CFAP299: variants seen among roughly 807,000 people sequenced by gnomAD.
CFAP299 encodes the protein cilia and flagella associated protein 299.
In CFAP299, 21 loss-of-function variants were observed where a neutral mutation model predicts 27.0. The ratio of observed to expected loss-of-function variants is 0.78; its 90% confidence interval spans 0.55 to 1.12. The LOEUF (loss-of-function observed/expected upper bound fraction) is 1.12, where lower values mean the gene tolerates loss of function less well. Among genes scored for constraint, CFAP299 ranks in the 50% most tolerant of loss-of-function variants. CFAP299 has a pLI of 0.00. For missense variants in CFAP299, 310 were observed against 276.6 expected (o/e 1.12, Z -0.86); for synonymous variants, 104 against 98.1 (o/e 1.06, Z -0.36).
chr4:80,869,726 A>G (rs538887957), intron 3 of CFAP299, among the ~76,000 whole-genome samples: 1 of 152,230 alleles, frequency 6.6e-6, no homozygotes, highest in South Asian at 2.1e-4. Context: ...GTTGGCCAGG[A>G]TAGTCTCGAT....
intron 3 of CFAP299, among the ~76,000 whole-genome samples, chr4:80,868,547 C>G (rs1260153088): frequency 2.6e-5 from 4 of 152,142 alleles, no homozygotes. Flanking sequence ...TTTCCTGCAT[C>G]CTCACCCCAC....
rs1728250034 is a variant in CFAP299 at position 80,799,820 on chromosome 4, T to TTATATAATATAATATATAA, written c.334-70167_334-70166insATATAATATATAATATATA. On this transcript the variant is annotated intron_variant, in intron 3 of 5. Coordinates refer to ENST00000358105, the MANE Select transcript of CFAP299 (RefSeq NM_152770.3). ...ATTATATAATATATAAATATATATA[T>TTATATAATATAATATATAA]TATATATATTTATATATTATATTAT... is the stretch of plus-strand genomic sequence containing the variant. 7.9e-3 allele frequency among the ~76,000 whole-genome samples: 289 copies of TTATATAATATAATATATAA among 36,510 alleles called. 16 individuals are homozygous for TTATATAATATAATATATAA. Among genetic ancestry groups the TTATATAATATAATATATAA allele is most frequent in the South Asian group, 0.024 (27 of 1,138 alleles). The allele number at this position is 36,510 out of a possible 152,430, so 24.0% of individuals were successfully genotyped here.
At chr4:80,386,122 G>T in intron 2 of CFAP299, 1 of 490,174 alleles carries the variant, frequency 2.0e-6, no homozygotes, top group Non-Finnish European at 3.6e-6. Flanking sequence ...CCCCCAGGGA[G>T]CCTGGACCCA....
chr4:80,792,321 A>C (rs1180570317), intron 3 of CFAP299, among the ~76,000 whole-genome samples: 3 of 152,082 alleles, frequency 2.0e-5, no homozygotes, highest in Non-Finnish European at 4.4e-5. Context: ...ATTTGGTCTC[A>C]TAAGTATTTT....
chr4:80,506,205 G>A (rs1431365567), intron 2 of CFAP299, among the ~76,000 whole-genome samples: 2 of 151,886 alleles, frequency 1.3e-5, no homozygotes, highest in Non-Finnish European at 2.9e-5. Context: ...GAGTTATGTT[G>A]GTTAGGTATA....
chr4:80,471,206 C>T (rs527819957), intron 2 of CFAP299, among the ~76,000 whole-genome samples: 1 of 151,946 alleles, frequency 6.6e-6, no homozygotes, highest in Non-Finnish European at 1.5e-5. Flanking sequence ...CCATTGACTA[C>T]CCTCAAGGTT....
At chr4:80,623,666 T>C (rs1738724453) in intron 3 of CFAP299, among the ~76,000 whole-genome samples, 1 of 152,100 alleles carries the variant, frequency 6.6e-6, no homozygotes, top group Non-Finnish European at 1.5e-5. Flanking sequence ...ACACAATGCA[T>C]CTAGAGACAC....
At chr4:80,700,050 A>C (rs556420347) in intron 3 of CFAP299, among the ~76,000 whole-genome samples, 10 of 152,298 alleles carry the variant, frequency 6.6e-5, no homozygotes, top group African/African-American at 1.9e-4. Context: ...AATTGTACTT[A>C]AAAAGAACAG....
rs564464556 is a variant in CFAP299, at chr4:80,442,093, C to T, written c.242+79209C>T. ...AGACCAACAAAGAGACTTAGACTCC[C>T]ACACAATAATAGTGGGAGACTTTAC... On this transcript the variant is annotated intron_variant, in intron 2 of 5. Coordinates refer to ENST00000358105, the MANE Select transcript of CFAP299 (RefSeq NM_152770.3). 5.0e-4 allele frequency among the ~76,000 whole-genome samples: 76 copies of T among 152,206 alleles called. 1 individual carries two copies. The highest frequency in any genetic ancestry group is 1.8e-3 in the African/African-American group (73 of 41,536).
At chr4:80,513,291 G>A (rs907904153) in intron 2 of CFAP299, among the ~76,000 whole-genome samples, 7 of 152,260 alleles carry the variant, frequency 4.6e-5, no homozygotes, top group Admixed American at 6.5e-5. Flanking sequence ...TGAGCCACAA[G>A]TAGTGGTAAA....
At chr4:80,583,856 C>T (rs988992115) in intron 3 of CFAP299, among the ~76,000 whole-genome samples, 1 of 151,842 alleles carries the variant, frequency 6.6e-6, no homozygotes, top group Non-Finnish European at 1.5e-5. Context: ...TAGTAAGTGA[C>T]TGACTTACAG....
intron 2 of CFAP299, among the ~76,000 whole-genome samples, chr4:80,392,383 G>A (rs1390735948): frequency 2.0e-5 from 3 of 152,080 alleles, no homozygotes; most frequent in East Asian, 1.9e-4. Context: ...AGTATAGTTC[G>A]GCTGTGTCCC....
intron 3 of CFAP299, among the ~76,000 whole-genome samples, chr4:80,826,642 A>G (rs1424187894): frequency 1.3e-5 from 2 of 151,800 alleles, no homozygotes; most frequent in Non-Finnish European, 3.0e-5. Context: ...TCAGTAATGA[A>G]TAGGACATCC....
intron 4 of CFAP299, among the ~76,000 whole-genome samples, chr4:80,910,909 A>G (rs1490172675): frequency 6.6e-6 from 1 of 152,106 alleles, no homozygotes; most frequent in African/African-American, 2.4e-5. Flanking sequence ...TTTCCTCTGC[A>G]GTTCTCAGTA....
intron 3 of CFAP299, among the ~76,000 whole-genome samples, chr4:80,773,742 T>C (rs973431374): frequency 1.3e-5 from 2 of 152,174 alleles, no homozygotes; most frequent in Middle Eastern, 3.4e-3. Flanking sequence ...TTTAGAATAT[T>C]TGGCCAGGTA....
At chr4:80,904,987 A>G (rs1458013475) in intron 4 of CFAP299, among the ~76,000 whole-genome samples, 2 of 152,224 alleles carry the variant, frequency 1.3e-5, no homozygotes, top group African/African-American at 2.4e-5. Flanking sequence ...GTAAGCTTAC[A>G]TGCAAATATC....
At chr4:80,933,938 G>A (rs1334777022) in intron 4 of CFAP299, among the ~76,000 whole-genome samples, 1 of 151,846 alleles carries the variant, frequency 6.6e-6, no homozygotes, top group Non-Finnish European at 1.5e-5. Context: ...TTTCTTATTT[G>A]CTCTGGCTAG....
intron 1 of CFAP299, among the ~76,000 whole-genome samples, chr4:80,341,966 G>C (rs2109970291): frequency 6.6e-6 from 1 of 152,328 alleles, no homozygotes; most frequent in Non-Finnish European, 1.5e-5. Context: ...AGCTGGGTAA[G>C]AGAGGAGCAT....
chr4:80,845,401 C>G (rs551178956), intron 3 of CFAP299, among the ~76,000 whole-genome samples: 2 of 152,028 alleles, frequency 1.3e-5, no homozygotes, highest in Admixed American at 1.3e-4. Context: ...AAATTGAAAG[C>G]CATTATTAGA....
Sources: allele counts gnomAD v4.1 joint callset (sites outside exome capture counted in the v4.1 genomes callset), GRCh38; gene constraint gnomAD v4.1.1; transcripts MANE v1.5; gene names NCBI Gene and HGNC (gene_info 2026-07-23, HGNC 2026-07-21).